The following PSD3 variants were observed in gnomAD, a reference collection of about 807,000 sequenced individuals.
PSD3 encodes the protein PH and SEC7 domain-containing protein 3.
PSD3 carries 49 observed loss-of-function variants against 105.5 expected under a neutral mutation model. The observed-to-expected ratio is 0.46, with a 90% confidence interval of 0.37 to 0.59. PSD3 has a LOEUF of 0.59. PSD3 is among the 20% of genes least tolerant of loss of function. The pLI, the probability that PSD3 is intolerant of heterozygous loss-of-function variation, is 0.00. For missense variants in PSD3, 1,561 were observed against 1,263.8 expected (o/e 1.24, Z -3.57); for synonymous variants, 557 against 457.8 (o/e 1.22, Z -2.77).
At chr8:18,705,374 T>C (rs146208305) in intron 9 of PSD3, among the ~76,000 whole-genome samples, 45 of 151,368 alleles carry the variant, frequency 3.0e-4, no homozygotes, top group African/African-American at 1.0e-3. Flanking sequence ...TACAAAAAAA[T>C]AGAAAAATTA....
chr8:18,913,749 C>T (rs530279363), intron 2 of PSD3, among the ~76,000 whole-genome samples: 1 of 152,298 alleles, frequency 6.6e-6, no homozygotes, highest in African/African-American at 2.4e-5. Flanking sequence ...GGATCCAGGA[C>T]TGCCCGTACA....
chr8:18,558,490 C>T (rs542520960), intron 14 of PSD3, among the ~76,000 whole-genome samples: 1 of 152,272 alleles, frequency 6.6e-6, no homozygotes, highest in African/African-American at 2.4e-5. Flanking sequence ...CATTCCTTTT[C>T]AGTGTTATTC....
intron 2 of PSD3, among the ~76,000 whole-genome samples, chr8:18,919,463 C>G (rs919242262): frequency 3.2e-4 from 48 of 152,172 alleles, no homozygotes; most frequent in African/African-American, 1.1e-3. Context: ...TCATTCAATA[C>G]TAGATTTCTG....
At chr8:18,859,305 T>A (rs1334235966) in intron 4 of PSD3, among the ~76,000 whole-genome samples, 2 of 150,758 alleles carry the variant, frequency 1.3e-5, no homozygotes, top group Non-Finnish European at 2.9e-5. Flanking sequence ...TGTCAGCAGA[T>A]GTGCTGTTAT....
intron 9 of PSD3, chr8:18,733,097 G>C (rs1209517571): frequency 1.3e-5 from 2 of 152,066 alleles, no homozygotes; most frequent in Non-Finnish European, 2.9e-5. Flanking sequence ...AATACAGAAA[G>C]AGAACAAATG....
At chr8:18,857,780 C>A (rs138668273) in intron 4 of PSD3, among the ~76,000 whole-genome samples, 1 of 152,250 alleles carries the variant, frequency 6.6e-6, no homozygotes, top group East Asian at 1.9e-4. Flanking sequence ...CAAGTGAATG[C>A]TGTTGGGTGG....
chr8:18,947,293 G>A (rs1313892807), intron 1 of PSD3, among the ~76,000 whole-genome samples: 3 of 152,212 alleles, frequency 2.0e-5, no homozygotes, highest in African/African-American at 2.4e-5. Flanking sequence ...CCAGCTTAGG[G>A]AGAAGACGTC....
At chr8:18,779,633 T>C (rs776348536) in intron 8 of PSD3, among the ~76,000 whole-genome samples, 3 of 152,186 alleles carry the variant, frequency 2.0e-5, no homozygotes, top group Non-Finnish European at 4.4e-5. Context: ...TTTTGATATG[T>C]TGTGTTCCCA....
chr8:19,049,838 C>T (rs1432266665), intron 1 of PSD3, among the ~76,000 whole-genome samples: 1 of 152,074 alleles, frequency 6.6e-6, no homozygotes, highest in East Asian at 1.9e-4. Flanking sequence ...ATGGCAAATT[C>T]GAGTCTGAAG....
chr8:19,039,384 C>G (rs1828050126), intron 1 of PSD3, among the ~76,000 whole-genome samples: 1 of 152,174 alleles, frequency 6.6e-6, no homozygotes, highest in Non-Finnish European at 1.5e-5. Context: ...ACATCTCAAG[C>G]TCAGCATGTC....
At chr8:18,614,475 G>A (rs1416892967) in intron 11 of PSD3, among the ~76,000 whole-genome samples, 1 of 151,478 alleles carries the variant, frequency 6.6e-6, no homozygotes. Context: ...GAAAAGAGGA[G>A]GTAGAATAAA....
intron 1 of PSD3, among the ~76,000 whole-genome samples, chr8:18,982,207 T>C (rs1459875945): frequency 1.3e-5 from 2 of 152,250 alleles, no homozygotes; most frequent in African/African-American, 2.4e-5. Flanking sequence ...CTACTCCTCA[T>C]CCACTAATGG....
Position 18,607,701 on chromosome 8 carries a change from CA to C in PSD3, c.2411-7268del, listed in dbSNP as rs59065515. On this transcript the variant is annotated intron_variant, in intron 11 of 15. Coordinates refer to ENST00000327040, the MANE Select transcript of PSD3 (RefSeq NM_015310.4). ...ACTGCTACAAAAAAAAAAAACAAAA[CA>C]AAAAAAAAAAGGAAGTCAGGTGTAT... 3.2e-3 allele frequency among the ~76,000 whole-genome samples: 311 copies of C among 97,276 alleles called. 10 individuals carry two copies. The highest frequency in any genetic ancestry group is 0.013 in the African/African-American group (282 of 22,126). The allele number at this position is 97,276 out of a possible 152,430, so 63.8% of individuals were successfully genotyped here.
intron 8 of PSD3, among the ~76,000 whole-genome samples, chr8:18,791,667 G>A (rs971131797): frequency 1.1e-4 from 16 of 152,050 alleles, no homozygotes; most frequent in African/African-American, 3.4e-4. Flanking sequence ...ACACAGACAT[G>A]GGCAAAAATT....
chr8:18,543,528 G>A (rs1175493377), intron 15 of PSD3, among the ~76,000 whole-genome samples: 1 of 151,868 alleles, frequency 6.6e-6, no homozygotes, highest in African/African-American at 2.4e-5. Flanking sequence ...TGAGGCAGGA[G>A]AATGGCCTGA....
intron 12 of PSD3, among the ~76,000 whole-genome samples, chr8:18,588,911 C>A (rs1159269197): frequency 1.3e-5 from 2 of 152,198 alleles, no homozygotes; most frequent in Non-Finnish European, 2.9e-5. Context: ...TCTTCCCAGG[C>A]CCACCCTGAG....
chr8:19,027,530 A>G (rs1827599536), intron 1 of PSD3, among the ~76,000 whole-genome samples: 1 of 152,208 alleles, frequency 6.6e-6, no homozygotes, highest in Non-Finnish European at 1.5e-5. Context: ...TGTAAGTTCC[A>G]CTACAATGAG....
intron 1 of PSD3, among the ~76,000 whole-genome samples, chr8:18,968,815 G>A (rs777587196): frequency 7.2e-6 from 1 of 139,808 alleles, no homozygotes; most frequent in South Asian, 2.4e-4. Flanking sequence ...GGTGGAGGTT[G>A]CAGTGAGCCG....
chr8:18,787,123 G>C (rs778554046), intron 8 of PSD3, among the ~76,000 whole-genome samples: 1 of 152,080 alleles, frequency 6.6e-6, no homozygotes, highest in Non-Finnish European at 1.5e-5. Context: ...TGTGGCTCAA[G>C]GCTTCATAAG....
Sources: allele counts gnomAD v4.1 joint callset (sites outside exome capture counted in the v4.1 genomes callset), GRCh38; gene constraint gnomAD v4.1.1; transcripts MANE v1.5; gene names NCBI Gene and HGNC (gene_info 2026-07-23, HGNC 2026-07-21).